The following EIF2B3 variants were observed in gnomAD, a reference collection of about 807,000 sequenced individuals.
EIF2B3 encodes translation initiation factor eIF2B subunit gamma.
In EIF2B3, 20 loss-of-function variants were observed where a neutral mutation model predicts 54.1. That is an observed-to-expected ratio of 0.37 (90% CI 0.26 to 0.54). The LOEUF (loss-of-function observed/expected upper bound fraction) is 0.54, where lower values mean the gene tolerates loss of function less well. Ranked by LOEUF, EIF2B3 falls within the 20% of genes least tolerant of loss-of-function variation. The pLI, the probability that EIF2B3 is intolerant of heterozygous loss-of-function variation, is 0.86. For missense variants in EIF2B3, 448 were observed against 547.8 expected, an observed-to-expected ratio of 0.82 and a Z score of 1.82; for synonymous variants, 153 against 188.1, an observed-to-expected ratio of 0.81 and a Z score of 1.52.
chr1:44,957,242 G>C (rs1464765526), intron 3 of EIF2B3, among the ~76,000 whole-genome samples: 1 of 124,544 alleles, frequency 8.0e-6, no homozygotes, highest in African/African-American at 3.1e-5. Flanking sequence ...CTCTAGCCTA[G>C]GCGACAGGGC....
At chr1:44,928,585 G>A (rs1421070947) in intron 4 of EIF2B3, among the ~76,000 whole-genome samples, 2 of 149,220 alleles carry the variant, frequency 1.3e-5, no homozygotes, top group African/African-American at 2.5e-5. Flanking sequence ...ATTATTTAAA[G>A]TCATCCACAT....
At chr1:44,884,355 T>C (rs1655509516) in intron 6 of EIF2B3, among the ~76,000 whole-genome samples, 1 of 152,054 alleles carries the variant, frequency 6.6e-6, no homozygotes, top group East Asian at 1.9e-4. Context: ...CCACCACCTC[T>C]CCCAGCCCCC....
intron 5 of EIF2B3, among the ~76,000 whole-genome samples, chr1:44,914,845 C>A (rs948978905): frequency 6.6e-6 from 1 of 152,112 alleles, no homozygotes; most frequent in East Asian, 1.9e-4. Flanking sequence ...CCCGCCACCA[C>A]GCCCAGCTAA....
chr1:44,965,365 C>T (rs1232357338), intron 3 of EIF2B3, among the ~76,000 whole-genome samples: 1 of 152,102 alleles, frequency 6.6e-6, no homozygotes, highest in African/African-American at 2.4e-5. Context: ...CATATCTGAA[C>T]ACCACAGAAA....
intron 3 of EIF2B3, among the ~76,000 whole-genome samples, chr1:44,946,088 CTT>C (rs1273894712): frequency 1.3e-5 from 2 of 152,220 alleles, no homozygotes; most frequent in South Asian, 2.1e-4. Flanking sequence ...TCATTTCTCT[CTT>C]TGCGTTTTGA....
At chr1:44,917,032 T>C (rs1643637911) in intron 5 of EIF2B3, among the ~76,000 whole-genome samples, 1 of 152,194 alleles carries the variant, frequency 6.6e-6, no homozygotes, top group South Asian at 2.1e-4. Flanking sequence ...ATTGTTCCTC[T>C]TGTATTAAAT....
intron 5 of EIF2B3, among the ~76,000 whole-genome samples, chr1:44,920,762 T>C (rs2148928787): frequency 6.6e-6 from 1 of 152,382 alleles, no homozygotes; most frequent in South Asian, 2.1e-4. Context: ...TGTGTATATG[T>C]ACCACATTTT....
At chr1:44,874,648 T>C (rs1557664894) in intron 10 of EIF2B3, 30 bp downstream of exon 10, 1 of 1,608,692 alleles carries the variant, frequency 6.2e-7, no homozygotes, top group Non-Finnish European at 8.5e-7. Context: ...CCATTATCTT[T>C]GCCTCAAGTG....
At chr1:44,911,508 T>C (rs957327000) in intron 5 of EIF2B3, among the ~76,000 whole-genome samples, 22 of 152,186 alleles carry the variant, frequency 1.4e-4, no homozygotes. Flanking sequence ...TCCATCTTCT[T>C]TGCTCCCATC....
chr1:44,935,922 G>T (rs1028597752), intron 4 of EIF2B3, among the ~76,000 whole-genome samples: 8 of 151,400 alleles, frequency 5.3e-5, no homozygotes, highest in Admixed American at 3.3e-4. Context: ...CTTGAGGGTA[G>T]GGATATTGTG....
intron 4 of EIF2B3, among the ~76,000 whole-genome samples, chr1:44,934,802 C>A (rs1200607090): frequency 6.6e-6 from 1 of 152,016 alleles, no homozygotes; most frequent in African/African-American, 2.4e-5. Context: ...ACACGCCTGG[C>A]CCACTTTATT....
intron 5 of EIF2B3, among the ~76,000 whole-genome samples, chr1:44,923,726 TG>T (rs1385361027): frequency 1.3e-5 from 2 of 152,142 alleles, no homozygotes; most frequent in Non-Finnish European, 2.9e-5. Flanking sequence ...TAATCATCTT[TG>T]TATTTCATTT....
At chr1:44,895,169 T>G (rs188276099) in intron 6 of EIF2B3, among the ~76,000 whole-genome samples, 25 of 152,310 alleles carry the variant, frequency 1.6e-4, no homozygotes, top group African/African-American at 5.8e-4. Context: ...GGAAACAGTA[T>G]GTGCTGAGGC....
At chr1:44,959,472 G>A (rs545536803) in intron 3 of EIF2B3, 36 of 362,734 alleles carry the variant, frequency 9.9e-5, no homozygotes, top group Middle Eastern at 1.0e-3. Flanking sequence ...GAGCCCAGGA[G>A]TATGACACTG....
At chr1:44,891,240 C>T (rs566021966) in intron 6 of EIF2B3, among the ~76,000 whole-genome samples, 8 of 152,250 alleles carry the variant, frequency 5.3e-5, no homozygotes, top group African/African-American at 9.6e-5. Flanking sequence ...GCTGGGACTA[C>T]AGGCATGTGC....
chr1:44,905,823 A>T (rs1643401286), intron 5 of EIF2B3, among the ~76,000 whole-genome samples: 1 of 152,240 alleles, frequency 6.6e-6, no homozygotes, highest in South Asian at 2.1e-4. Context: ...CAAAATTGAT[A>T]CATAAAACTA....
chr1:44,930,371 G>C (rs1643886560), intron 4 of EIF2B3, among the ~76,000 whole-genome samples: 2 of 152,184 alleles, frequency 1.3e-5, no homozygotes, highest in Admixed American at 1.3e-4. Flanking sequence ...TCACAAACTT[G>C]TTGGAGCTCC....
intron 5 of EIF2B3, among the ~76,000 whole-genome samples, chr1:44,912,701 G>C (rs1643539557): frequency 6.6e-6 from 1 of 152,154 alleles, no homozygotes; most frequent in African/African-American, 2.4e-5. Flanking sequence ...CCTAGGATTA[G>C]ATACCTCCTT....
chr1:44,981,148 C>T lies in EIF2B3; in HGVS notation c.21G>A (p.Val7=). 1 of 1,612,812 alleles carries T rather than the reference C, an allele frequency of 6.2e-7. No homozygotes were observed. Residue 7 remains valine (V), a synonymous_variant, in exon 2 of 12, where the codon GTG becomes GTA. Transcript: ENST00000360403. ...TCCGAGATCCTCCACCTACTGCCAT[C>T]ACTACTGCTTGAAATTCCATTTTTA... MEFQAV[V]MAVGGGSRMT... is the part of the protein sequence containing the mutation.
Sources: gnomAD v4.1 joint callset for allele counts (sites outside exome capture counted in the v4.1 genomes callset) on GRCh38, gnomAD v4.1.1 for gene constraint, MANE v1.5 for transcripts, NCBI Gene and HGNC (gene_info 2026-07-23, HGNC 2026-07-21) for gene names.